SRGAP3: variants seen among roughly 807,000 people sequenced by gnomAD.
SRGAP3 encodes the protein SLIT-ROBO Rho GTPase activating protein 3.
Under a neutral mutation model 121.1 loss-of-function variants are expected in SRGAP3, and 39 were observed. The ratio of observed to expected loss-of-function variants is 0.32; its 90% confidence interval spans 0.25 to 0.42. The LOEUF is 0.42. Ranked by LOEUF, SRGAP3 falls within the 10% of genes least tolerant of loss-of-function variation. SRGAP3 has a pLI of 1.00. For missense variants in SRGAP3, 1,213 were observed against 1,470.6 expected, an observed-to-expected ratio of 0.82 and a Z score of 2.86; for synonymous variants, 601 against 570.0, an observed-to-expected ratio of 1.05 and a Z score of -0.77.
rs1362231990 is a variant in SRGAP3 at position 9,239,370 on chromosome 3, ACT to A, written c.67+9513_67+9514del. ...ATTCCAGTCTGGGCAACAGAGCAAG[ACT>A]CTGTCTCAAAAAAACAAAAGATAGA... On this transcript the variant is annotated intron_variant, in intron 1 of 21. Coordinates refer to ENST00000383836, the MANE Select transcript of SRGAP3 (RefSeq NM_014850.4). This position sits in a 1 kb window ranked among gnomAD's most constrained non-coding sequence, Gnocchi z 4.0. Among the ~76,000 whole-genome samples, 1 of 152,102 alleles carries A rather than the reference ACT, an allele frequency of 6.6e-6. No homozygotes were observed. The highest frequency in any genetic ancestry group is 1.5e-5 in the Non-Finnish European group (1 of 68,026).
At chr3:9,121,504 C>T (rs1457344821) in intron 2 of SRGAP3, among the ~76,000 whole-genome samples, 1 of 152,192 alleles carries the variant, frequency 6.6e-6, no homozygotes, top group East Asian at 1.9e-4. Flanking sequence ...GACGGCTCTG[C>T]CATCACATTA....
intron 4 of SRGAP3, among the ~76,000 whole-genome samples, chr3:9,066,648 C>T (rs548726551): frequency 2.6e-5 from 4 of 152,208 alleles, no homozygotes; most frequent in African/African-American, 7.2e-5. Flanking sequence ...TACAGGCACC[C>T]GCCACAATGC....
chr3:8,983,508 T>C lies in SRGAP3; in HGVS notation c.*2011A>G, dbSNP rs758430843. On this transcript the variant is annotated 3_prime_UTR_variant, in exon 22 of 22. Transcript: ENST00000383836. ...TTAACTAGGTCCCTCCCTTTGGGTG[T>C]ATTTACCTTTTCGCGGGGGACCAGA... The C allele has an allele frequency of 4.3e-6, 1 of 230,000 alleles. No homozygotes were observed. Among genetic ancestry groups the C allele is most frequent in the Non-Finnish European group, 8.6e-6 (1 of 116,046 alleles). 14.2% of individuals were successfully genotyped at this position (230,000 alleles called of 1,614,324 possible).
At chr3:9,050,091 C>T (rs750474361) in intron 9 of SRGAP3, among the ~76,000 whole-genome samples, 3 of 152,208 alleles carry the variant, frequency 2.0e-5, no homozygotes, top group Non-Finnish European at 2.9e-5. Context: ...CTGCACACCT[C>T]GGTTCCCAAA....
intron 4 of SRGAP3, among the ~76,000 whole-genome samples, chr3:9,066,106 A>T (rs1200020460): frequency 2.0e-5 from 3 of 152,060 alleles, no homozygotes; most frequent in African/African-American, 7.2e-5. Flanking sequence ...GCCCTTAATG[A>T]ATTTTTTTAA....
At chr3:9,007,681 T>C (rs1007356601) in intron 18 of SRGAP3, 2 of 152,128 alleles carry the variant, frequency 1.3e-5, no homozygotes, top group Non-Finnish European at 1.5e-5. Flanking sequence ...CCTTCACATA[T>C]GTCACCTCAT....
chr3:9,215,952 C>A (rs1183596349), intron 1 of SRGAP3, among the ~76,000 whole-genome samples: 2 of 152,328 alleles, frequency 1.3e-5, no homozygotes, highest in East Asian at 3.9e-4. Context: ...TCCCAACCTC[C>A]ATTATGATGT....
chr3:9,298,929 G>A (rs1372716319), intron 3 of SRGAP3, among the ~76,000 whole-genome samples: 1 of 151,726 alleles, frequency 6.6e-6, no homozygotes, highest in Non-Finnish European at 1.5e-5. Context: ...GTGGGTACCT[G>A]TAATCCTGGC....
intron 3 of SRGAP3, among the ~76,000 whole-genome samples, chr3:9,297,385 T>C (rs1039576438): frequency 1.3e-5 from 2 of 152,038 alleles, no homozygotes; most frequent in Admixed American, 6.6e-5. Context: ...CAAATTTGGG[T>C]TAAAGTCTGA....
chr3:9,081,361 G>A (rs1947237952), intron 3 of SRGAP3: 1 of 448,350 alleles, frequency 2.2e-6, no homozygotes, highest in African/African-American at 2.0e-5. Context: ...GGGGCACAAG[G>A]CAAAAGATCT....
chr3:9,286,368 A>T (rs1443977105), intron 3 of SRGAP3, among the ~76,000 whole-genome samples: 1 of 151,938 alleles, frequency 6.6e-6, no homozygotes, highest in Non-Finnish European at 1.5e-5. Context: ...TACATACCAA[A>T]ATCCAAGGTT....
At chr3:9,139,360 T>C (rs1949771156) in intron 1 of SRGAP3, among the ~76,000 whole-genome samples, 1 of 152,078 alleles carries the variant, frequency 6.6e-6, no homozygotes, top group African/African-American at 2.4e-5. Context: ...TTATCCTGGA[T>C]CATCTGGGTG....
At chr3:9,338,385 C>T (rs776681528) in intron 1 of SRGAP3, among the ~76,000 whole-genome samples, 3 of 152,018 alleles carry the variant, frequency 2.0e-5, no homozygotes, top group Non-Finnish European at 2.9e-5. Context: ...TTGATATGTT[C>T]GGTTTAGAAT....
At position 9,080,034 on chromosome 3, in the gene SRGAP3, C is replaced by T; in HGVS notation, c.477G>A (p.Glu159=). ...MHEELLKVTN[E]LYTVMKTYHM... is the part of the protein sequence containing the mutation. The stretch of plus-strand genomic sequence containing the variant: ...CCTGGGCAGAACTTACTGTGTAGAG[C>T]TCATTGGTCACCTTCAGGAGCTCCT... Residue 159 remains glutamate, a synonymous_variant, in exon 4 of 22, where the codon GAG becomes GAA. Transcript: ENST00000383836. 1.2e-6 allele frequency: 2 copies of T among 1,614,190 alleles called. No homozygotes were observed. Among genetic ancestry groups the T allele is most frequent in the South Asian group, 2.2e-5 (2 of 91,080 alleles).
intron 3 of SRGAP3, among the ~76,000 whole-genome samples, chr3:9,261,876 T>A (rs1306695142): frequency 8.1e-4 from 98 of 120,860 alleles, no homozygotes; most frequent in East Asian, 5.3e-3. Flanking sequence ...CTCATATATT[T>A]AAAAAAAAAA....
chr3:9,312,704 G>T (rs143968445), intron 3 of SRGAP3, among the ~76,000 whole-genome samples: 1 of 152,302 alleles, frequency 6.6e-6, no homozygotes, highest in African/African-American at 2.4e-5. Flanking sequence ...AATAGACAAG[G>T]CTGGGCGCAG....
At position 9,046,199 on chromosome 3, in the gene SRGAP3, C is replaced by T. The variant is rs187474135; in HGVS notation, c.1408+1192G>A. Among the ~76,000 whole-genome samples, 21 of 152,012 alleles carry T rather than the reference C, an allele frequency of 1.4e-4. No individual in the cohort carries two copies. The East Asian group carries it at 3.5e-3, about 25-fold the overall frequency. ...AAGCAGGATATGGAGCTTTTATTTC[C>T]GTCAGCCCCCAAAGTTCCCCAGCCC... On this transcript the variant is annotated intron_variant, in intron 10 of 21. Coordinates refer to ENST00000383836, the MANE Select transcript of SRGAP3 (RefSeq NM_014850.4).
At chr3:8,989,049 C>G (rs988100177) in intron 21 of SRGAP3, among the ~76,000 whole-genome samples, 1 of 152,228 alleles carries the variant, frequency 6.6e-6, no homozygotes, top group African/African-American at 2.4e-5. Flanking sequence ...TTTGTCAGAG[C>G]AGCATTCCCC....
At chr3:9,320,160 G>A (rs994096228) in intron 3 of SRGAP3, among the ~76,000 whole-genome samples, 2 of 151,908 alleles carry the variant, frequency 1.3e-5, no homozygotes, top group Non-Finnish European at 2.9e-5. Context: ...CTCTGGGCTT[G>A]TTAACCTGGT....
Sources: allele counts gnomAD v4.1 joint callset (sites outside exome capture counted in the v4.1 genomes callset), GRCh38; gene constraint gnomAD v4.1.1; non-coding constraint Gnocchi (gnomAD v3.1); transcripts MANE v1.5; gene names NCBI Gene and HGNC (gene_info 2026-07-23, HGNC 2026-07-21).